Variants in PNPLA7 observed in about 807,000 individuals in gnomAD.
PNPLA7 encodes the protein patatin like domain 7, lysophospholipase.
Under a neutral mutation model 161.7 loss-of-function variants are expected in PNPLA7, and 153 were observed. The ratio of observed to expected loss-of-function variants is 0.95; its 90% CI spans 0.83 to 1.08. The LOEUF is 1.08. Among genes scored for constraint, PNPLA7 ranks in the 50% least tolerant of loss-of-function variants. The probability of loss-of-function intolerance (pLI) is 0.00; values close to 1 mark genes in which losing one functional copy is unlikely to be tolerated. For missense variants in PNPLA7, 1,739 were observed against 1,856.6 expected, an observed-to-expected ratio of 0.94 and a Z score of 1.16; for synonymous variants, 809 against 782.1, an observed-to-expected ratio of 1.03 and a Z score of -0.57.
chr9:137,509,405 C>T lies in PNPLA7; in HGVS notation c.1226-3322G>A, dbSNP rs141149897. The T allele has an allele frequency of 5.9e-3, 1,108 of 188,190 alleles. 25 individuals are homozygous for T. The highest frequency in any genetic ancestry group is 0.026 in the African/African-American group (1,050 of 40,104). 11.7% of individuals were successfully genotyped at this position (188,190 alleles called of 1,614,324 possible). A position where few individuals can be genotyped will look rare whatever the true frequency, so the allele number is the denominator to read the frequency against. ...AGCCGGTATGAGTGAGTTTAGCCGG[C>T]GTGAGTGAGTTTAGCTGGCATGAGT... On this transcript the variant is annotated intron_variant, in intron 12 of 34. Coordinates refer to ENST00000406427, the MANE Select transcript of PNPLA7 (RefSeq NM_001098537.3).
intron 11 of PNPLA7, 96 bp from the exon 12 acceptor site, chr9:137,515,615 A>C: frequency 7.1e-7 from 1 of 1,401,706 alleles, no homozygotes; most frequent in Non-Finnish European, 9.4e-7. Flanking sequence ...GGGTCCCCAC[A>C]GTGCCCTGCG....
At chr9:137,475,772 A>G (rs1049155021) in intron 25 of PNPLA7, among the ~76,000 whole-genome samples, 2 of 152,276 alleles carry the variant, frequency 1.3e-5, no homozygotes, top group Admixed American at 6.5e-5. Context: ...TCTCAACAGC[A>G]ATACAAAAAA....
In PNPLA7 at chr9:137,460,723, G is replaced by A; in HGVS notation, c.3856C>T (p.Gln1286Ter). ...PAMVDDESDY[Q>*]TEYEEELLDV... ...AGCAGCTCCTCCTCGTACTCCGTCT[G>A]GTAGTCAGATTCGTCTGGCACCGAG... The change falls in exon 34 of 35, where the codon CAG (glutamine) becomes TAG (stop). Residue 1286 changes from glutamine to a stop codon, truncating the protein, a stop_gained. Transcript: ENST00000406427. LOFTEE classifies it high-confidence loss of function. 6.2e-7 allele frequency: 1 copy of A among 1,612,690 alleles called. No homozygotes were observed. Among genetic ancestry groups the A allele is most frequent in the Non-Finnish European group, 8.5e-7 (1 of 1,179,852 alleles).
At chr9:137,515,590 G>T in intron 11 of PNPLA7, 71 bp from the exon 12 acceptor site, 1 of 1,450,144 alleles carries the variant, frequency 6.9e-7, no homozygotes, top group East Asian at 2.5e-5. Context: ...CCCATTCGGG[G>T]CCACGCAGGG....
chr9:137,542,827 G>C (rs1376167972), intron 6 of PNPLA7, 26 bp from the exon 7 acceptor site: 1 of 1,595,606 alleles, frequency 6.3e-7, no homozygotes, highest in Non-Finnish European at 8.6e-7. Context: ...GGCACTGTGG[G>C]ACGCCCTTCC....
intron 8 of PNPLA7, among the ~76,000 whole-genome samples, chr9:137,531,186 C>A (rs1835564105): frequency 6.6e-6 from 1 of 152,134 alleles, no homozygotes; most frequent in South Asian, 2.1e-4. Context: ...GGTCCAGCGA[C>A]TGAAATCACG....
chr9:137,530,713 A>C (rs1194462879), intron 8 of PNPLA7, among the ~76,000 whole-genome samples: 1 of 152,246 alleles, frequency 6.6e-6, no homozygotes, highest in Non-Finnish European at 1.5e-5. Context: ...AGTTAAAAAT[A>C]AAATCTTAAT....
chr9:137,522,480 G>A (rs886947410), intron 9 of PNPLA7, among the ~76,000 whole-genome samples: 20 of 152,360 alleles, frequency 1.3e-4, no homozygotes, highest in African/African-American at 4.6e-4. Context: ...GTGAGCCGCC[G>A]CGCCCGGCCC....
intron 8 of PNPLA7, among the ~76,000 whole-genome samples, chr9:137,532,378 A>G (rs1347118354): frequency 6.6e-6 from 1 of 152,212 alleles, no homozygotes; most frequent in Non-Finnish European, 1.5e-5. Context: ...TGGAGGTTGC[A>G]GTGAGCCAAG....
chr9:137,505,226 A>AAGAAATT (rs956616920), intron 14 of PNPLA7, among the ~76,000 whole-genome samples: 2 of 149,830 alleles, frequency 1.3e-5, no homozygotes, highest in African/African-American at 4.9e-5. Flanking sequence ...CATCATATGT[A>AAGAAATT]AGAAATTAAA....
intron 31 of PNPLA7, 25 bp downstream of exon 31, chr9:137,462,154 G>T: frequency 6.5e-7 from 1 of 1,549,490 alleles, no homozygotes; most frequent in Non-Finnish European, 8.7e-7. Context: ...GCCCGCCTCC[G>T]CCGCCGCGGG....
intron 34 of PNPLA7, 30 bp from the exon 35 acceptor site, chr9:137,460,506 G>A (rs753884365): frequency 9.3e-6 from 15 of 1,610,434 alleles, no homozygotes; most frequent in Admixed American, 1.7e-5. Context: ...TCCAGGTGAG[G>A]ACCAGGCAGG....
chr9:137,508,155 G>A (rs1054085437), intron 12 of PNPLA7, among the ~76,000 whole-genome samples: 1 of 152,178 alleles, frequency 6.6e-6, no homozygotes, highest in Non-Finnish European at 1.5e-5. Flanking sequence ...GAGCCCAGGA[G>A]CTCGAGGCTG....
rs1302156387 is a variant in PNPLA7 at position 137,505,633 on chromosome 9, A to G, written c.1454T>C (p.Leu485Pro). ...AIFRAAKKDLLTLMKLEDSSL... is the reference protein window; with the variant it reads ...AIFRAAKKDLPTLMKLEDSSL... ...ACTCACTTCCAGCTTCATCAGGGTG[A>G]GCAGGTCCTTCTTGGCAGCTCTGAA... is the stretch of plus-strand genomic sequence containing the variant. The change falls in exon 14 of 35, where the codon CTC (leucine) becomes CCC (proline). Residue 485 changes from leucine to proline, a missense_variant. Leu to Pro is a moderately conservative substitution (Grantham distance 98). This residue lies in a region of PNPLA7 where 481 missense variants were observed against 450.0 expected (regional missense o/e 1.07). Transcript: ENST00000406427. 14 of 1,613,936 alleles carry G rather than the reference A, an allele frequency of 8.7e-6. No homozygotes were observed. Among genetic ancestry groups the G allele is most frequent in the Non-Finnish European group, 1.2e-5 (14 of 1,180,036 alleles).
At chr9:137,507,653 G>C (rs1003553973) in intron 12 of PNPLA7, among the ~76,000 whole-genome samples, 4 of 152,130 alleles carry the variant, frequency 2.6e-5, no homozygotes, top group African/African-American at 9.7e-5. Context: ...TGGGTGACAA[G>C]AGCAAAACTG....
intron 25 of PNPLA7, among the ~76,000 whole-genome samples, chr9:137,477,610 A>G (rs1831999621): frequency 6.6e-6 from 1 of 152,112 alleles, no homozygotes; most frequent in South Asian, 2.1e-4. Context: ...CACCACGCCT[A>G]ATTTTTCTAT....
intron 8 of PNPLA7, 66 bp from the exon 9 acceptor site, chr9:137,522,923 C>T: frequency 1.3e-6 from 2 of 1,591,866 alleles, no homozygotes; most frequent in East Asian, 2.2e-5. Flanking sequence ...AATGCCAAGG[C>T]TCCTGGAAGC....
In PNPLA7 at chr9:137,476,169, C is replaced by T. The variant is rs554266486; in HGVS notation, c.2882+1865G>A. ...GGGAGGATGACTCCTGAAAAGTAAA[C>T]AGAGATGAGTGGTATGTCCGAACAT... is the stretch of plus-strand genomic sequence containing the variant. On this transcript the variant is annotated intron_variant, in intron 25 of 34. Coordinates refer to ENST00000406427, the MANE Select transcript of PNPLA7 (RefSeq NM_001098537.3). The surrounding 1 kb of genome is among the most constrained non-coding windows in gnomAD (Gnocchi z 4.5). Among the ~76,000 whole-genome samples the T allele has an allele frequency of 9.9e-5, 15 of 152,264 alleles. No individual in the cohort carries two copies. Among genetic ancestry groups the T allele is most frequent in the African/African-American group, 3.4e-4 (14 of 41,550 alleles).
intron 8 of PNPLA7, among the ~76,000 whole-genome samples, chr9:137,527,300 C>CA (rs142846700): frequency 0.32 from 47,484 of 148,890 alleles, 8,307 homozygotes; most frequent in East Asian, 0.67. Flanking sequence ...AACAAAAAAA[C>CA]AAAAAAAAAC....
Sources: allele counts gnomAD v4.1 joint callset (sites outside exome capture counted in the v4.1 genomes callset), GRCh38; gene constraint gnomAD v4.1.1; regional missense constraint gnomAD v4.1.1; non-coding constraint Gnocchi (gnomAD v3.1); transcripts MANE v1.5; gene names NCBI Gene and HGNC (gene_info 2026-07-23, HGNC 2026-07-21).